EYA1: variants seen among roughly 807,000 people sequenced by gnomAD.
EYA1 encodes the protein protein phosphatase EYA1.
In EYA1, 16 loss-of-function variants were observed where a neutral mutation model predicts 82.0. That is an observed-to-expected ratio of 0.20 (90% CI 0.13 to 0.30). EYA1 has a LOEUF of 0.30. EYA1 is among the 10% of genes least tolerant of loss of function. The probability of loss-of-function intolerance (pLI) is 1.00; values close to 1 mark genes in which losing one functional copy is unlikely to be tolerated. For missense variants in EYA1, 633 were observed against 730.7 expected (o/e 0.87, Z 1.54); for synonymous variants, 261 against 264.4 (o/e 0.99, Z 0.12).
At chr8:71,450,053 T>A (rs750359154) in intron 2 of EYA1, among the ~76,000 whole-genome samples, 2 of 152,242 alleles carry the variant, frequency 1.3e-5, no homozygotes, top group African/African-American at 4.8e-5. Flanking sequence ...CTTAAGGGAA[T>A]GTTGTAGCTA....
At chr8:71,421,569 G>T (rs1446633070) in intron 2 of EYA1, among the ~76,000 whole-genome samples, 2 of 152,146 alleles carry the variant, frequency 1.3e-5, no homozygotes, top group Non-Finnish European at 2.9e-5. Context: ...ATGCTCAAGT[G>T]TGTGTGTCTG....
At chr8:71,422,668 A>G (rs1169264141) in intron 2 of EYA1, among the ~76,000 whole-genome samples, 1 of 152,164 alleles carries the variant, frequency 6.6e-6, no homozygotes, top group Non-Finnish European at 1.5e-5. Context: ...GAAATTTGCA[A>G]TTATGGCAGA....
intron 2 of EYA1, among the ~76,000 whole-genome samples, chr8:71,466,129 G>A (rs777424097): frequency 1.7e-4 from 26 of 152,062 alleles, no homozygotes; most frequent in Admixed American, 5.2e-4. Context: ...AAAATGATGG[G>A]GAGATTAGTA....
At chr8:71,308,730 AAG>A (rs1408080381) in intron 7 of EYA1, among the ~76,000 whole-genome samples, 1 of 151,682 alleles carries the variant, frequency 6.6e-6, no homozygotes, top group Non-Finnish European at 1.5e-5. Context: ...AAAAAAAAAA[AAG>A]GAGTAACAAG....
In EYA1 at chr8:71,249,766, AG is replaced by A. The variant is rs1813524136; in HGVS notation, c.1051-5075del. On this transcript the variant is annotated intron_variant, in intron 11 of 17. Coordinates refer to ENST00000340726, the MANE Select transcript of EYA1 (RefSeq NM_000503.6). ...CTATCAGATCTTAGATCTCAACTGG[AG>A]GCTCATATATCAATTACTTATTGGT... Among the ~76,000 whole-genome samples the A allele has an allele frequency of 3.3e-5, 5 of 152,266 alleles. No homozygotes were observed. The South Asian group carries it at 1.0e-3, about 32-fold the overall frequency.
intron 11 of EYA1, among the ~76,000 whole-genome samples, chr8:71,259,624 C>G (rs1195778602): frequency 6.6e-6 from 1 of 152,168 alleles, no homozygotes; most frequent in Admixed American, 6.5e-5. Flanking sequence ...CAACCCCTCA[C>G]AGAAGTGAGG....
At chr8:71,347,580 C>T (rs1825866897) in intron 3 of EYA1, among the ~76,000 whole-genome samples, 1 of 152,014 alleles carries the variant, frequency 6.6e-6, no homozygotes, top group Non-Finnish European at 1.5e-5. Context: ...CCTCAGCCTC[C>T]CAAAGTGCCT....
chr8:71,288,023 GC>G (rs901414961), intron 9 of EYA1, among the ~76,000 whole-genome samples: 9 of 152,088 alleles, frequency 5.9e-5, no homozygotes, highest in Non-Finnish European at 1.3e-4. Flanking sequence ...ACCCAGGTTA[GC>G]CCAACTCCAA....
chr8:71,384,298 TTTC>T, intron 2 of EYA1, among the ~76,000 whole-genome samples: 1 of 152,280 alleles, frequency 6.6e-6, no homozygotes, highest in South Asian at 2.1e-4. Context: ...TCTGTGTACG[TTTC>T]TTCTTCTCAG....
chr8:71,356,227 A>C (rs1826861819), intron 2 of EYA1, among the ~76,000 whole-genome samples: 4 of 152,198 alleles, frequency 2.6e-5, no homozygotes, highest in African/African-American at 9.6e-5. Flanking sequence ...CTCATTACAC[A>C]TTCACAGTTT....
chr8:71,446,233 C>T (rs1379416257), intron 2 of EYA1, among the ~76,000 whole-genome samples: 9 of 152,040 alleles, frequency 5.9e-5, no homozygotes, highest in Admixed American at 4.6e-4. Context: ...CCATAATCCC[C>T]AGGTGTTGAG....
In EYA1 at chr8:71,511,661, C is replaced by T. The variant is rs190133147; in HGVS notation, c.33+24083G>A. 4.1e-3 allele frequency among the ~76,000 whole-genome samples: 629 copies of T among 152,210 alleles called. 22 individuals carry two copies. Among genetic ancestry groups the T allele is most frequent in the Admixed American group, 0.039 (602 of 15,276 alleles). On this transcript the variant is annotated intron_variant, in intron 2 of 18. Transcript: ENST00000643681. ...AGGGTGCACGTGGAGAAGAGAGGTG[C>T]CTGCATATCCACAAAGCTGTTAGAC...
chr8:71,490,526 C>A (rs1810914038), intron 2 of EYA1, among the ~76,000 whole-genome samples: 2 of 151,662 alleles, frequency 1.3e-5, no homozygotes, highest in African/African-American at 4.9e-5. Context: ...GATATAAATG[C>A]AAATATTGGA....
chr8:71,416,981 C>T (rs118058320), intron 2 of EYA1, among the ~76,000 whole-genome samples: 1,560 of 152,282 alleles, frequency 0.01, 12 homozygotes, highest in Non-Finnish European at 0.017. Flanking sequence ...TGGGTGGACA[C>T]CATCTAATCA....
chr8:71,543,366 A>G (rs963055154), intron 1 of EYA1, among the ~76,000 whole-genome samples: 28 of 152,182 alleles, frequency 1.8e-4, no homozygotes, highest in African/African-American at 6.3e-4. Context: ...CTGTATCTCA[A>G]GGGTAGTGTT....
Position 71,489,402 on chromosome 8 carries a change from G to A in EYA1, c.33+46342C>T, listed in dbSNP as rs7825546. On this transcript the variant is annotated intron_variant, in intron 2 of 18. Coordinates refer to the EYA1 transcript ENST00000643681. ...GTACTATATGGCAATTCCTACAAACGCTTTGTTTTAAAACATAAAGAATCA... is the reference window on the plus strand; with the variant it reads ...GTACTATATGGCAATTCCTACAAACACTTTGTTTTAAAACATAAAGAATCA... Among the ~76,000 whole-genome samples, 781 of 151,268 alleles carry A rather than the reference G, an allele frequency of 5.2e-3. 6 individuals are homozygous for A. Among genetic ancestry groups the A allele is most frequent in the African/African-American group, 0.018 (751 of 41,148 alleles).
intron 2 of EYA1, among the ~76,000 whole-genome samples, chr8:71,447,072 T>C (rs1806942595): frequency 1.5e-5 from 2 of 130,698 alleles, no homozygotes; most frequent in Admixed American, 8.6e-5. Context: ...AATCTCATTA[T>C]TGATAATCTT....
intron 1 of EYA1, among the ~76,000 whole-genome samples, chr8:71,539,403 A>G (rs560124215): frequency 6.6e-6 from 1 of 152,320 alleles, no homozygotes; most frequent in East Asian, 1.9e-4. Context: ...GGGCACCCAC[A>G]GCTCCAGGTG....
At chr8:71,418,825 G>A (rs1319353080) in intron 2 of EYA1, among the ~76,000 whole-genome samples, 1 of 152,056 alleles carries the variant, frequency 6.6e-6, no homozygotes, top group Non-Finnish European at 1.5e-5. Flanking sequence ...GAGGGAGGGA[G>A]GTGCTCTTCT....
Sources: gnomAD v4.1 joint callset for allele counts (sites outside exome capture counted in the v4.1 genomes callset) on GRCh38, gnomAD v4.1.1 for gene constraint, MANE v1.5 for transcripts, NCBI Gene and HGNC (gene_info 2026-07-23, HGNC 2026-07-21) for gene names.